The following PDE4D variants were observed in gnomAD, a reference collection of about 807,000 sequenced individuals.
PDE4D encodes phosphodiesterase 4D.
A neutral mutation model predicts 87.4 loss-of-function variants in PDE4D; 24 were observed. That is an observed-to-expected ratio of 0.27 (90% CI 0.20 to 0.39). The LOEUF (loss-of-function observed/expected upper bound fraction) is 0.39, where lower values mean the gene tolerates loss of function less well. Ranked by LOEUF, PDE4D falls within the 10% of genes least tolerant of loss-of-function variation. The pLI is 1.00. For synonymous variants in PDE4D, 384 were observed against 383.2 expected (o/e 1.00, Z -0.02); for missense variants, 714 against 1,041.0 (o/e 0.69, Z 4.32).
chr5:59,691,130 A>G (rs900717981), intron 1 of PDE4D, among the ~76,000 whole-genome samples: 1 of 152,226 alleles, frequency 6.6e-6, no homozygotes, highest in East Asian at 1.9e-4. Flanking sequence ...GTGGGACTGT[A>G]AACTAGTTCA....
chr5:60,001,715 TA>T (rs1457619165), intron 2 of PDE4D, among the ~76,000 whole-genome samples: 2 of 151,920 alleles, frequency 1.3e-5, no homozygotes, highest in African/African-American at 2.4e-5. Context: ...GGATATGCAA[TA>T]CAAAAAGATG....
intron 2 of PDE4D, among the ~76,000 whole-genome samples, chr5:59,204,995 A>T (rs1748423888): frequency 1.3e-5 from 2 of 152,252 alleles, no homozygotes; most frequent in Admixed American, 1.3e-4. Flanking sequence ...TAATCCTGAC[A>T]ACTCTGCATT....
intron 1 of PDE4D, among the ~76,000 whole-genome samples, chr5:59,499,226 TAG>T (rs1807803378): frequency 1.3e-5 from 2 of 150,554 alleles, no homozygotes; most frequent in Admixed American, 1.3e-4. Flanking sequence ...CAAACAAAAA[TAG>T]AGATACAACA....
chr5:60,217,462 G>C (rs371758871), intron 1 of PDE4D, among the ~76,000 whole-genome samples: 1 of 151,826 alleles, frequency 6.6e-6, no homozygotes, highest in East Asian at 1.9e-4. Flanking sequence ...AACAAACCTA[G>C]CATCTGTCAA....
chr5:59,455,323 C>G (rs566036128), intron 1 of PDE4D, among the ~76,000 whole-genome samples: 2 of 152,336 alleles, frequency 1.3e-5, no homozygotes, highest in East Asian at 3.9e-4. Context: ...GTCCCAGCCA[C>G]TTCAGCTGTG....
At chr5:59,290,419 T>C (rs1352961834) in intron 1 of PDE4D, among the ~76,000 whole-genome samples, 2 of 151,970 alleles carry the variant, frequency 1.3e-5, no homozygotes, top group African/African-American at 2.4e-5. Context: ...TATACAAAAA[T>C]CAAGTCAAAA....
At position 59,222,646 on chromosome 5, in the gene PDE4D, A is replaced by G. The variant is rs568973666; in HGVS notation, c.456-6678T>C. The stretch of plus-strand genomic sequence containing the variant: ...ATCTGAAAGCTGCCTTTTTCACTAC[A>G]TAGTAAGAACAATGGCACATAGAAA... On this transcript the variant is annotated intron_variant, in intron 1 of 14. Coordinates refer to ENST00000340635, the MANE Select transcript of PDE4D (RefSeq NM_001104631.2). 1.8e-4 allele frequency among the ~76,000 whole-genome samples: 28 copies of G among 152,318 alleles called. No individual in the cohort carries two copies. The East Asian group carries it at 2.3e-3, about 13-fold the overall frequency.
chr5:59,860,900 C>G (rs1437726267), intron 1 of PDE4D, among the ~76,000 whole-genome samples: 1 of 151,348 alleles, frequency 6.6e-6, no homozygotes, highest in Non-Finnish European at 1.5e-5. Flanking sequence ...GCTCTGTTGC[C>G]CAGGCTGGAG....
intron 5 of PDE4D, among the ~76,000 whole-genome samples, chr5:59,133,014 T>C (rs921026482): frequency 6.6e-6 from 1 of 152,204 alleles, no homozygotes; most frequent in Non-Finnish European, 1.5e-5. Context: ...AAATTCTGCT[T>C]GTCCATTTCT....
intron 1 of PDE4D, among the ~76,000 whole-genome samples, chr5:59,419,192 C>T (rs1794100851): frequency 6.6e-6 from 1 of 152,136 alleles, no homozygotes; most frequent in Non-Finnish European, 1.5e-5. Flanking sequence ...CTGAATAGCC[C>T]AGCTGGTGGT....
At chr5:59,156,309 G>GAAAAA (rs138297866) in intron 5 of PDE4D, among the ~76,000 whole-genome samples, 86 of 52,824 alleles carry the variant, frequency 1.6e-3, no homozygotes, top group South Asian at 4.7e-3. Context: ...AGACTTGCCA[G>GAAAAA]AAAAAAAAAA....
chr5:60,423,060 T>G (rs1743281830), intron 1 of PDE4D, among the ~76,000 whole-genome samples: 1 of 152,164 alleles, frequency 6.6e-6, no homozygotes, highest in Non-Finnish European at 1.5e-5. Flanking sequence ...CTTAGAGACC[T>G]AAAAAGAGAC....
chr5:59,335,294 C>G (rs1365586161), intron 1 of PDE4D, among the ~76,000 whole-genome samples: 1 of 152,084 alleles, frequency 6.6e-6, no homozygotes, highest in South Asian at 2.1e-4. Flanking sequence ...TGGGAACCAA[C>G]TCCAAGAAGC....
At chr5:60,415,215 G>A (rs1240673830) in intron 1 of PDE4D, among the ~76,000 whole-genome samples, 1 of 152,240 alleles carries the variant, frequency 6.6e-6, no homozygotes, top group Non-Finnish European at 1.5e-5. Context: ...AATAGAATGT[G>A]AATGTAAGTC....
At chr5:59,410,807 T>C (rs1303521473) in intron 1 of PDE4D, among the ~76,000 whole-genome samples, 1 of 150,788 alleles carries the variant, frequency 6.6e-6, no homozygotes, top group Non-Finnish European at 1.5e-5. Flanking sequence ...ACAATAAACA[T>C]GGGAGTGCAG....
At chr5:59,652,940 T>G (rs1020934709) in intron 1 of PDE4D, among the ~76,000 whole-genome samples, 1 of 152,182 alleles carries the variant, frequency 6.6e-6, no homozygotes, top group Non-Finnish European at 1.5e-5. Context: ...ATCTTAGTAT[T>G]GCACAGCACA....
intron 1 of PDE4D, among the ~76,000 whole-genome samples, chr5:59,497,575 C>T (rs1807449601): frequency 6.6e-6 from 1 of 151,894 alleles, no homozygotes; most frequent in South Asian, 2.1e-4. Flanking sequence ...CTATACCAAG[C>T]AGAAGAATGA....
At chr5:60,424,160 A>G (rs917175400) in intron 1 of PDE4D, among the ~76,000 whole-genome samples, 1 of 152,202 alleles carries the variant, frequency 6.6e-6, no homozygotes, top group Non-Finnish European at 1.5e-5. Flanking sequence ...CAAAAGAAAA[A>G]GAGGGAATCC....
At chr5:59,401,487 T>TCTGTCTGTCTGTCTATC (rs59711307) in intron 1 of PDE4D, among the ~76,000 whole-genome samples, 1 of 151,296 alleles carries the variant, frequency 6.6e-6, no homozygotes. Context: ...TATCTATCTA[T>TCTGTCTGTCTGTCTATC]TTTGATCCCA....
Sources: allele counts gnomAD v4.1 joint callset (sites outside exome capture counted in the v4.1 genomes callset), GRCh38; gene constraint gnomAD v4.1.1; transcripts MANE v1.5; gene names NCBI Gene and HGNC (gene_info 2026-07-23, HGNC 2026-07-21).